Variants in CSMD1 observed in about 807,000 individuals in gnomAD.
CSMD1 encodes the protein CUB and sushi domain-containing protein 1.
In CSMD1, 213 loss-of-function variants were observed where a neutral mutation model predicts 417.5. The ratio of observed to expected loss-of-function variants is 0.51; its 90% CI spans 0.46 to 0.57. The LOEUF is 0.57. Among genes scored for constraint, CSMD1 ranks in the 20% least tolerant of loss-of-function variants. The probability of loss-of-function intolerance (pLI) is 0.00; values close to 1 mark genes in which losing one functional copy is unlikely to be tolerated. For missense variants in CSMD1, 6,923 were observed against 4,529.7 expected, an observed-to-expected ratio of 1.53 and a Z score of -15.17; for synonymous variants, 2,862 against 1,736.8, an observed-to-expected ratio of 1.65 and a Z score of -16.11.
At chr8:3,651,905 G>A (rs914522810) in intron 7 of CSMD1, among the ~76,000 whole-genome samples, 5 of 149,846 alleles carry the variant, frequency 3.3e-5, no homozygotes, top group Admixed American at 2.7e-4. Context: ...CCATCAGAGT[G>A]CTTACCATCA....
chr8:4,709,204 T>C (rs1356672868), intron 1 of CSMD1, among the ~76,000 whole-genome samples: 2 of 152,152 alleles, frequency 1.3e-5, no homozygotes, highest in Non-Finnish European at 2.9e-5. Context: ...GAGAGAGGAA[T>C]TCCTCGATGG....
rs543122594 is a variant in CSMD1 at position 4,412,404 on chromosome 8, C to T, written c.415+7549G>A. The stretch of plus-strand genomic sequence containing the variant: ...CCGCATTTGCCATGTGTTGCGCTGG[C>T]TCCTCCTTTGCCTTCTACCATGATT... On this transcript the variant is annotated intron_variant, in intron 3 of 69. Transcript: ENST00000635120. Among the ~76,000 whole-genome samples the T allele has an allele frequency of 3.3e-5, 5 of 152,324 alleles. No homozygotes were observed. In the East Asian group the frequency reaches 5.8e-4, roughly 18 times the overall value.
intron 69 of CSMD1, among the ~76,000 whole-genome samples, chr8:2,940,276 C>A (rs1429285030): frequency 6.6e-6 from 1 of 152,194 alleles, no homozygotes; most frequent in African/African-American, 2.4e-5. Flanking sequence ...CCATCCCTCG[C>A]TCCTATGGCA....
At chr8:3,686,511 A>C (rs572855280) in intron 7 of CSMD1, among the ~76,000 whole-genome samples, 1 of 152,186 alleles carries the variant, frequency 6.6e-6, no homozygotes, top group Non-Finnish European at 1.5e-5. Flanking sequence ...GCCAGTTACA[A>C]GATCATGTCA....
intron 6 of CSMD1, among the ~76,000 whole-genome samples, chr8:3,717,458 T>C (rs1475290050): frequency 6.6e-6 from 1 of 152,196 alleles, no homozygotes; most frequent in East Asian, 1.9e-4. Context: ...CTGTGAAATA[T>C]TCATGAAGAT....
intron 3 of CSMD1, among the ~76,000 whole-genome samples, chr8:4,352,746 A>G (rs538150823): frequency 6.6e-6 from 1 of 152,358 alleles, no homozygotes; most frequent in Non-Finnish European, 1.5e-5. Context: ...TTTAAGAGTC[A>G]TTTGATGGAA....
At chr8:4,457,848 G>T (rs780076216) in intron 2 of CSMD1, among the ~76,000 whole-genome samples, 1 of 151,984 alleles carries the variant, frequency 6.6e-6, no homozygotes, top group Non-Finnish European at 1.5e-5. Context: ...AGTGACTTCC[G>T]AGGCTTGGCA....
chr8:2,935,557 G>A lies in CSMD1; in HGVS notation c.*3028C>T, dbSNP rs1801395896. On this transcript the variant is annotated 3_prime_UTR_variant, in exon 70 of 70. Transcript: ENST00000635120. ...AGAGATGGTACATTTTACATTATTG[G>A]GAAAATTACAGTTCTGTATTGTAAA... The A allele has an allele frequency of 6.6e-6, 1 of 151,900 alleles. No individual in the cohort carries two copies. The highest frequency in any genetic ancestry group is 2.1e-4 in the South Asian group (1 of 4,814). The allele number at this position is 151,900 out of a possible 1,614,324, so 9.4% of individuals were successfully genotyped here. A position where few individuals can be genotyped will look rare whatever the true frequency, so the allele number is the denominator to read the frequency against.
intron 10 of CSMD1, among the ~76,000 whole-genome samples, chr8:3,560,419 C>T (rs554169011): frequency 2.0e-5 from 3 of 152,206 alleles, no homozygotes; most frequent in South Asian, 4.1e-4. Flanking sequence ...GATGAAATAG[C>T]TGCAAAATGG....
intron 66 of CSMD1, 134 bp downstream of exon 66, chr8:2,950,980 C>G (rs1370164141): frequency 7.8e-6 from 6 of 767,598 alleles, no homozygotes; most frequent in Non-Finnish European, 9.6e-6. Context: ...GGAGAGGCTC[C>G]AATGAGTTAC....
intron 3 of CSMD1, among the ~76,000 whole-genome samples, chr8:4,343,231 C>G (rs527618691): frequency 2.2e-4 from 33 of 152,142 alleles, no homozygotes; most frequent in African/African-American, 6.5e-4. Flanking sequence ...TAATCAAATA[C>G]AAAGACACAG....
chr8:3,862,579 A>T (rs559791130), intron 5 of CSMD1, among the ~76,000 whole-genome samples: 40 of 152,228 alleles, frequency 2.6e-4, no homozygotes, highest in Non-Finnish European at 4.9e-4. Context: ...GGTATATTTT[A>T]CTTAAGCTAG....
At chr8:4,612,450 C>A in intron 2 of CSMD1, among the ~76,000 whole-genome samples, 1 of 152,212 alleles carries the variant, frequency 6.6e-6, no homozygotes, top group Non-Finnish European at 1.5e-5. Flanking sequence ...ATGCCACCTA[C>A]CTGTGTCCTT....
chr8:3,660,319 C>A (rs1585033478), intron 7 of CSMD1, among the ~76,000 whole-genome samples: 1 of 152,098 alleles, frequency 6.6e-6, no homozygotes, highest in Non-Finnish European at 1.5e-5. Context: ...ACTGTGTCCA[C>A]CTTACAGGAT....
chr8:3,408,550 C>G (rs1315887262), intron 13 of CSMD1, among the ~76,000 whole-genome samples: 2 of 151,188 alleles, frequency 1.3e-5, no homozygotes, highest in Middle Eastern at 3.2e-3. Context: ...TTCAGAAGAG[C>G]AAATATTAAT....
At chr8:4,371,141 C>G (rs973561379) in intron 3 of CSMD1, among the ~76,000 whole-genome samples, 4 of 152,074 alleles carry the variant, frequency 2.6e-5, no homozygotes, top group Non-Finnish European at 4.4e-5. Flanking sequence ...CACAGTAGAA[C>G]AAGTTGGGTA....
At chr8:4,312,392 TACATAC>T (rs1563435109) in intron 3 of CSMD1, among the ~76,000 whole-genome samples, 1 of 115,982 alleles carries the variant, frequency 8.6e-6, no homozygotes. Flanking sequence ...TATATATATA[TACATAC>T]ATATATATGC....
At chr8:3,973,658 C>T (rs991119083) in intron 5 of CSMD1, among the ~76,000 whole-genome samples, 3 of 152,146 alleles carry the variant, frequency 2.0e-5, no homozygotes, top group Non-Finnish European at 4.4e-5. Context: ...CCCTCAAGTA[C>T]CTCACAGTAT....
chr8:4,177,484 A>T (rs1798119168), intron 3 of CSMD1, among the ~76,000 whole-genome samples: 1 of 152,206 alleles, frequency 6.6e-6, no homozygotes, highest in African/African-American at 2.4e-5. Flanking sequence ...AGTAGGAAAG[A>T]TCCAAAATTG....
Sources: gnomAD v4.1 joint callset for allele counts (sites outside exome capture counted in the v4.1 genomes callset) on GRCh38, gnomAD v4.1.1 for gene constraint, MANE v1.5 for transcripts, NCBI Gene and HGNC (gene_info 2026-07-23, HGNC 2026-07-21) for gene names.